The following KANTR variants were observed in gnomAD, a reference collection of about 807,000 sequenced individuals.
KANTR encodes the protein KANTR integral membrane protein.
intron 1 of KANTR, among the ~76,000 whole-genome samples, chrX:53,097,246 T>G (rs1472718638): frequency 3.6e-5 from 4 of 111,071 alleles, no homozygotes; most frequent in Non-Finnish European, 7.6e-5. Context: ...ATACCCCTCT[T>G]ACCGGGAAAC....
intron 2 of KANTR, among the ~76,000 whole-genome samples, chrX:53,134,500 G>A (rs1386216748): frequency 8.9e-6 from 1 of 111,956 alleles, no homozygotes; most frequent in Admixed American, 9.5e-5. Context: ...TAGTTCTTAA[G>A]CCAGCTGGTG....
At chrX:53,124,064 T>TG in exon 3 of KANTR, 1 of 235,518 alleles carries the variant, frequency 4.2e-6, no homozygotes. Flanking sequence ...GCCTGCTATT[T>TG]TTTGTTTGTT....
chrX:53,142,998 A>G (rs1933524801), downstream of KANTR: 1 of 1,130,332 alleles, frequency 8.8e-7, no homozygotes, highest in African/African-American at 1.8e-5. Flanking sequence ...TGGTGATGCC[A>G]GGGCACATGG....
At chrX:53,118,011 A>G (rs1430635527) in intron 2 of KANTR, among the ~76,000 whole-genome samples, 5 of 112,009 alleles carry the variant, frequency 4.5e-5, no homozygotes, top group African/African-American at 1.6e-4. Flanking sequence ...GTTTGTTTAC[A>G]ATATTCCCTT....
Position 53,107,467 on chromosome X carries a change from A to G in KANTR, c.-805+7859A>G, listed in dbSNP as rs782077427. On this transcript the variant is annotated intron_variant, in intron 2 of 2. Coordinates refer to ENST00000604062, the Ensembl canonical transcript of KANTR. ...AGTTTATCAATTTCTTTAAAAAAAA[A>G]AACAGCTGAAATTCTCATAGAGATT... is the stretch of plus-strand genomic sequence containing the variant. Among the ~76,000 whole-genome samples the G allele has an allele frequency of 2.6e-4, 28 of 107,791 alleles. 2 individuals are homozygous for G. Among genetic ancestry groups the G allele is most frequent in the African/African-American group, 8.7e-4 (25 of 28,776 alleles). 93.6% of individuals were successfully genotyped at this position (107,791 alleles called of 115,157 possible).
intron 2 of KANTR, among the ~76,000 whole-genome samples, chrX:53,110,388 C>T (rs1461131887): frequency 8.9e-6 from 1 of 111,745 alleles, no homozygotes; most frequent in East Asian, 2.8e-4. Flanking sequence ...GCTTTTTCTG[C>T]ATCTATTGAC....
intron 2 of KANTR, among the ~76,000 whole-genome samples, chrX:53,113,935 G>A (rs1161426267): frequency 9.4e-6 from 1 of 105,967 alleles, no homozygotes; most frequent in African/African-American, 3.5e-5. Context: ...GTCTCACTCT[G>A]TCACCCAGGC....
exon 3 of KANTR, chrX:53,127,027 C>T (rs1018036413): frequency 9.0e-6 from 1 of 111,559 alleles, no homozygotes; most frequent in Non-Finnish European, 1.9e-5. Flanking sequence ...CACTGGCCTC[C>T]TTGCTGTTCC....
rs34763193 is a variant in KANTR at position 53,109,758 on chromosome X, C to CTT, written c.-805+10162_-805+10163dup. Among the ~76,000 whole-genome samples the CTT allele has an allele frequency of 1.4e-3, 139 of 96,404 alleles. 1 individual carries two copies. The South Asian group carries it at 0.02, about 14-fold the overall frequency. 83.7% of individuals were successfully genotyped at this position (96,404 alleles called of 115,157 possible). On this transcript the variant is annotated intron_variant, in intron 2 of 2. Transcript: ENST00000604062. Reference sequence around the variant, plus strand: ...GTTCTAACGGTTTTCTTTTTTCTTTCTTTTTTTTTTTTTGGAGACAGAGTC... The same window carrying CTT: ...GTTCTAACGGTTTTCTTTTTTCTTTCTTTTTTTTTTTTTTTGGAGACAGAGTC...
intron 2 of KANTR, among the ~76,000 whole-genome samples, chrX:53,140,565 A>G (rs1465634289): frequency 9.1e-6 from 1 of 109,655 alleles, no homozygotes; most frequent in Admixed American, 9.8e-5. Flanking sequence ...GTTCCTGGGT[A>G]CAATAAATCC....
chrX:53,095,637 G>T (rs1932840503), intron 1 of KANTR, among the ~76,000 whole-genome samples: 1 of 110,172 alleles, frequency 9.1e-6, no homozygotes, highest in Non-Finnish European at 1.9e-5. Flanking sequence ...TATATGCAAA[G>T]ACTGGGATAT....
chrX:53,110,314 T>A (rs1308518642), intron 2 of KANTR, among the ~76,000 whole-genome samples: 1 of 111,312 alleles, frequency 9.0e-6, no homozygotes, highest in South Asian at 3.7e-4. Flanking sequence ...TACGTTGAGG[T>A]ACATTTCTCC....
At chrX:53,138,248 A>T (rs1269273950) in intron 2 of KANTR, among the ~76,000 whole-genome samples, 1 of 107,791 alleles carries the variant, frequency 9.3e-6, no homozygotes, top group Non-Finnish European at 1.9e-5. Context: ...TTGTATTTTT[A>T]GTAGAGACAA....
At chrX:53,107,255 A>G (rs1449931118) in intron 2 of KANTR, among the ~76,000 whole-genome samples, 2 of 99,800 alleles carry the variant, frequency 2.0e-5, no homozygotes, top group Non-Finnish European at 3.9e-5. Flanking sequence ...TGGTGTGATC[A>G]TACTTCACTG....
At chrX:53,121,380 A>G (rs901010943) in intron 2 of KANTR, among the ~76,000 whole-genome samples, 3 of 112,116 alleles carry the variant, frequency 2.7e-5, no homozygotes, top group Admixed American at 9.5e-5. Flanking sequence ...TAGTACAGAG[A>G]GTTTCTGTAT....
chrX:53,096,098 A>G (rs1556810803), intron 1 of KANTR, among the ~76,000 whole-genome samples: 1 of 110,868 alleles, frequency 9.0e-6, no homozygotes. Context: ...GGGCCCCCCA[A>G]CCATCCTGTT....
At chrX:53,104,790 G>A (rs1932928440) in intron 2 of KANTR, among the ~76,000 whole-genome samples, 2 of 111,660 alleles carry the variant, frequency 1.8e-5, no homozygotes, top group African/African-American at 6.5e-5. Context: ...CCGTTCCTCA[G>A]TTGGTCAGTT....
intron 2 of KANTR, among the ~76,000 whole-genome samples, chrX:53,137,988 G>C (rs1933449618): frequency 9.1e-6 from 1 of 109,953 alleles, no homozygotes; most frequent in Admixed American, 9.7e-5. Context: ...GCTTTGGTTT[G>C]CTTAATTTTC....
chrX:53,146,530 GA>G (rs1288696909), downstream of KANTR, among the ~76,000 whole-genome samples: 2 of 112,092 alleles, frequency 1.8e-5, no homozygotes, highest in African/African-American at 6.5e-5. Flanking sequence ...ACCTGAAAGT[GA>G]CGGGGAGAAT....
Sources: gnomAD v4.1 joint callset for allele counts (sites outside exome capture counted in the v4.1 genomes callset) on GRCh38, gnomAD v4.1.1 for gene constraint, MANE v1.5 for transcripts, NCBI Gene and HGNC (gene_info 2026-07-23, HGNC 2026-07-21) for gene names.